The following CDC14A variants were observed in gnomAD, a reference collection of about 807,000 sequenced individuals.
CDC14A encodes cell division cycle 14A, also known as dual specificity protein phosphatase CDC14A.
A neutral mutation model predicts 74.4 loss-of-function variants in CDC14A; 53 were observed. The observed-to-expected ratio is 0.71, with a 90% confidence interval of 0.57 to 0.89. CDC14A has a LOEUF of 0.89. Among genes scored for constraint, CDC14A ranks in the 40% least tolerant of loss-of-function variants. The pLI is 0.00. For missense variants in CDC14A, 646 were observed against 713.7 expected, an observed-to-expected ratio of 0.91 and a Z score of 1.08; for synonymous variants, 247 against 258.4, an observed-to-expected ratio of 0.96 and a Z score of 0.43.
intron 13 of CDC14A, among the ~76,000 whole-genome samples, chr1:100,496,789 G>A (rs1295550541): frequency 6.6e-6 from 1 of 152,188 alleles, no homozygotes; most frequent in Non-Finnish European, 1.5e-5. Context: ...CTGCTGTTTG[G>A]TGGGTGGATA....
At chr1:100,346,535 G>C (rs1650442276) in intron 1 of CDC14A, among the ~76,000 whole-genome samples, 1 of 151,516 alleles carries the variant, frequency 6.6e-6, no homozygotes, top group African/African-American at 2.4e-5. Context: ...TGGAGCCTGA[G>C]ATGGGGGAAT....
chr1:100,442,351 CTATATTA>C (rs1665036937), intron 6 of CDC14A, among the ~76,000 whole-genome samples: 1 of 142,540 alleles, frequency 7.0e-6, no homozygotes, highest in Non-Finnish European at 1.5e-5. Context: ...TATAAATATA[CTATATTA>C]TATATAGTAT....
At chr1:100,442,028 C>T (rs1194124020) in intron 6 of CDC14A, among the ~76,000 whole-genome samples, 1 of 151,882 alleles carries the variant, frequency 6.6e-6, no homozygotes, top group Non-Finnish European at 1.5e-5. Flanking sequence ...TGTATAGCTT[C>T]ATGATTTATA....
chr1:100,407,105 G>C (rs1216445296), intron 4 of CDC14A, among the ~76,000 whole-genome samples: 1 of 152,114 alleles, frequency 6.6e-6, no homozygotes, highest in East Asian at 1.9e-4. Context: ...CTGTAGCCTT[G>C]TAGTACAGTT....
At chr1:100,452,850 C>T (rs2101169965) in intron 7 of CDC14A, among the ~76,000 whole-genome samples, 1 of 152,170 alleles carries the variant, frequency 6.6e-6, no homozygotes, top group South Asian at 2.1e-4. Flanking sequence ...CCTTAAGTTC[C>T]TGTCTGATCT....
intron 2 of CDC14A, among the ~76,000 whole-genome samples, chr1:100,358,879 A>G (rs987524533): frequency 6.6e-6 from 1 of 152,214 alleles, no homozygotes; most frequent in Non-Finnish European, 1.5e-5. Context: ...GTGGGAATGC[A>G]TATTTAGGTT....
chr1:100,506,129 T>C (rs1204609832), intron 15 of CDC14A, among the ~76,000 whole-genome samples: 2 of 152,146 alleles, frequency 1.3e-5, no homozygotes. Context: ...CAACAGGACA[T>C]TTGGAGGGGA....
At chr1:100,490,953 C>A (rs1670550396) in intron 11 of CDC14A, among the ~76,000 whole-genome samples, 1 of 152,072 alleles carries the variant, frequency 6.6e-6, no homozygotes, top group Admixed American at 6.5e-5. Flanking sequence ...AATGGTACAG[C>A]CTTTTGGAGG....
chr1:100,346,380 A>G (rs1055097486), intron 1 of CDC14A, among the ~76,000 whole-genome samples: 10 of 152,270 alleles, frequency 6.6e-5, no homozygotes, highest in Non-Finnish European at 1.0e-4. Flanking sequence ...CTGCAATCTC[A>G]GCACTTTGGG....
chr1:100,428,349 GTTGA>G (rs999729871), intron 5 of CDC14A, among the ~76,000 whole-genome samples: 4 of 152,240 alleles, frequency 2.6e-5, no homozygotes, highest in Middle Eastern at 3.4e-3. Context: ...TAGCCAATGT[GTTGA>G]TTAAGAGTGA....
chr1:100,442,919 A>G lies in CDC14A; in HGVS notation c.457-15A>G. On this transcript the variant is annotated splice_polypyrimidine_tract_variant and intron_variant, in intron 6 of 15. Transcript: ENST00000336454. ...CAATTTAGCATGGAAAAACTAATTCAAATTCTGCTTTTAGGGATTACAACA... is the reference window on the plus strand; with the variant it reads ...CAATTTAGCATGGAAAAACTAATTCGAATTCTGCTTTTAGGGATTACAACA... The G allele has an allele frequency of 6.4e-7, 1 of 1,568,062 alleles. No homozygotes were observed. The highest frequency in any genetic ancestry group is 8.8e-7 in the Non-Finnish European group (1 of 1,139,474).
chr1:100,470,404 A>G (rs995699562), intron 10 of CDC14A, among the ~76,000 whole-genome samples: 4 of 152,066 alleles, frequency 2.6e-5, no homozygotes, highest in Admixed American at 2.0e-4. Flanking sequence ...TACTCTCACT[A>G]CTTCTAATAT....
At chr1:100,445,113 A>G (rs1055230171) in intron 7 of CDC14A, among the ~76,000 whole-genome samples, 3 of 152,242 alleles carry the variant, frequency 2.0e-5, no homozygotes, top group Non-Finnish European at 2.9e-5. Flanking sequence ...GAATTGAGCT[A>G]TACCACTTAT....
intron 4 of CDC14A, chr1:100,393,720 CTGAGGCGGG>C: frequency 1.3e-5 from 5 of 373,790 alleles, no homozygotes; most frequent in South Asian, 4.3e-5. Context: ...CTTTGGGAGG[CTGAGGCGGG>C]CGGATCACAA....
At chr1:100,382,141 GAAAAAGAAGACTTTACT>G (rs1656200389) in intron 3 of CDC14A, among the ~76,000 whole-genome samples, 1 of 147,730 alleles carries the variant, frequency 6.8e-6, no homozygotes, top group South Asian at 2.2e-4. Flanking sequence ...AAAGTCTTCT[GAAAAAGAAGACTTTACT>G]AACAAAAGAC....
rs528260081 is a variant in CDC14A, at chr1:100,495,529, G to A, written c.1251-473G>A. On this transcript the variant is annotated intron_variant, in intron 12 of 15. Transcript: ENST00000336454. ...AAAAGGGGAATCAAAAGGTGCAAAC[G>A]TTTGTAAATATCATCATTTTTTAAA... Among the ~76,000 whole-genome samples, 6 of 152,234 alleles carry A rather than the reference G, an allele frequency of 3.9e-5. No individual in the cohort carries two copies. The South Asian group carries it at 6.2e-4, about 16-fold the overall frequency.
chr1:100,409,441 T>C (rs1253614728), intron 4 of CDC14A, among the ~76,000 whole-genome samples: 1 of 152,092 alleles, frequency 6.6e-6, no homozygotes, highest in East Asian at 1.9e-4. Flanking sequence ...CAGCATTAAC[T>C]CGAAAGTCCA....
chr1:100,422,575 G>A (rs1355773865), intron 4 of CDC14A, among the ~76,000 whole-genome samples: 1 of 152,176 alleles, frequency 6.6e-6, no homozygotes, highest in East Asian at 1.9e-4. Flanking sequence ...TGGTTTAAAT[G>A]GAGTTTTGTA....
At chr1:100,372,905 G>T (rs1027803115) in intron 2 of CDC14A, among the ~76,000 whole-genome samples, 1 of 152,166 alleles carries the variant, frequency 6.6e-6, no homozygotes, top group African/African-American at 2.4e-5. Context: ...TTGGCTTAAG[G>T]GAATGCTGTG....
Sources: allele counts gnomAD v4.1 joint callset (sites outside exome capture counted in the v4.1 genomes callset), GRCh38; gene constraint gnomAD v4.1.1; transcripts MANE v1.5; gene names NCBI Gene and HGNC (gene_info 2026-07-23, HGNC 2026-07-21).